The following EFCAB8 variants were observed in gnomAD, a reference collection of about 807,000 sequenced individuals.
EFCAB8 encodes EF-hand calcium-binding domain-containing protein 8.
In EFCAB8, 100 loss-of-function variants were observed where a neutral mutation model predicts 116.3. That is an observed-to-expected ratio of 0.86 (90% CI 0.73 to 1.02). The LOEUF (loss-of-function observed/expected upper bound fraction) is 1.02. Among genes scored for constraint, EFCAB8 ranks in the 50% least tolerant of loss-of-function variants. The pLI is 0.00. For missense variants in EFCAB8, 1,320 were observed against 1,416.9 expected (o/e 0.93, Z 1.10); for synonymous variants, 558 against 567.9 (o/e 0.98, Z 0.25).
intron 2 of EFCAB8, among the ~76,000 whole-genome samples, chr20:32,864,600 A>G (rs1186137293): frequency 6.6e-6 from 1 of 152,086 alleles, no homozygotes; most frequent in Non-Finnish European, 1.5e-5. Flanking sequence ...AAAACAAAAA[A>G]GCTACATGAG....
intron 23 of EFCAB8, among the ~76,000 whole-genome samples, chr20:32,949,557 G>A (rs1988735033): frequency 6.6e-6 from 1 of 152,336 alleles, no homozygotes; most frequent in East Asian, 1.9e-4. Context: ...CAGACAGACA[G>A]ATCAATGGAA....
chr20:32,911,802 C>A, intron 16 of EFCAB8, 95 bp downstream of exon 16: 1 of 1,240,510 alleles, frequency 8.1e-7, no homozygotes, highest in Non-Finnish European at 1.1e-6. Flanking sequence ...TTGTACCTCT[C>A]TGAAAGGGTG....
intron 11 of EFCAB8, among the ~76,000 whole-genome samples, chr20:32,900,209 A>G (rs1986362737): frequency 6.6e-6 from 1 of 152,110 alleles, no homozygotes; most frequent in Admixed American, 6.6e-5. Context: ...TTTCAGGGGA[A>G]ATTTCAATCC....
In EFCAB8 at chr20:32,907,119, G is replaced by A. The variant is rs115278853; in HGVS notation, c.1308+125G>A. On this transcript the variant is annotated intron_variant, in intron 13 of 26. Transcript: ENST00000400522. ...AAAGGCCTAGCAGGAGGGGCCCCGG[G>A]TGGGAGGAAGGTGAGGGTGGCCATG... The A allele has an allele frequency of 1.9e-3, 2,731 of 1,423,672 alleles. 41 individuals are homozygous for A. In the African/African-American group the frequency reaches 0.033, roughly 17 times the overall value. The allele number at this position is 1,423,672 out of a possible 1,614,324, so 88.2% of individuals were successfully genotyped here.
At chr20:32,893,425 T>G in intron 9 of EFCAB8, 127 bp downstream of exon 9, 3 of 1,382,554 alleles carry the variant, frequency 2.2e-6, no homozygotes, top group Non-Finnish European at 2.9e-6. Context: ...AGGCGTCTGC[T>G]TCCAAGCGCA....
chr20:32,882,593 T>C (rs1985398551), intron 5 of EFCAB8, among the ~76,000 whole-genome samples: 1 of 152,192 alleles, frequency 6.6e-6, no homozygotes, highest in Non-Finnish European at 1.5e-5. Flanking sequence ...TCATCTCAGG[T>C]CACTGCAACC....
chr20:32,895,411 A>G (rs918688796), intron 9 of EFCAB8, among the ~76,000 whole-genome samples: 6 of 143,252 alleles, frequency 4.2e-5, no homozygotes, highest in African/African-American at 1.6e-4. Flanking sequence ...TACAGCTTTA[A>G]TCTCTTGGGC....
rs536376995 is a variant in EFCAB8 at position 32,878,685 on chromosome 20, G to T, written c.328-19G>T. ...ATTTTGCCAATACCCTGCCTCCCTT[G>T]TGCTTTCTTTCGAGGCAGCAAAAGT... is the stretch of plus-strand genomic sequence containing the variant. On this transcript the variant is annotated intron_variant, in intron 4 of 26. Coordinates refer to ENST00000400522, the MANE Select transcript of EFCAB8 (RefSeq NM_001143967.2). The T allele has an allele frequency of 1.3e-6, 2 of 1,548,008 alleles. No individual in the cohort carries two copies. Among genetic ancestry groups the T allele is most frequent in the South Asian group, 1.2e-5 (1 of 83,968 alleles).
chr20:32,865,927 G>T (rs1362576337), intron 2 of EFCAB8, among the ~76,000 whole-genome samples: 2 of 152,086 alleles, frequency 1.3e-5, no homozygotes, highest in Non-Finnish European at 2.9e-5. Context: ...CTACAGTTTG[G>T]GGCGAGCAGG....
chr20:32,886,600 G>A (rs1364003998), intron 6 of EFCAB8, among the ~76,000 whole-genome samples: 2 of 152,112 alleles, frequency 1.3e-5, no homozygotes, highest in African/African-American at 2.4e-5. Context: ...GCACCAAGGG[G>A]GAGTCACGAT....
chr20:32,924,563 G>T (rs1600433060), intron 20 of EFCAB8, among the ~76,000 whole-genome samples: 1 of 152,174 alleles, frequency 6.6e-6, no homozygotes. Context: ...GAGGTGAAGT[G>T]ACTTGCCCAA....
chr20:32,893,109 G>C, intron 8 of EFCAB8, 65 bp from the exon 9 acceptor site: 1 of 1,542,034 alleles, frequency 6.5e-7, no homozygotes, highest in South Asian at 1.2e-5. Flanking sequence ...CCAGAGTGCT[G>C]GTCTTACAGG....
chr20:32,930,380 C>T lies in EFCAB8; in HGVS notation c.2413-18C>T, dbSNP rs1987848428. The T allele has an allele frequency of 6.5e-7, 1 of 1,545,200 alleles. No individual in the cohort carries two copies. The highest frequency in any genetic ancestry group is 8.7e-7 in the Non-Finnish European group (1 of 1,145,092). On this transcript the variant is annotated intron_variant, in intron 20 of 26. Coordinates refer to ENST00000400522, the MANE Select transcript of EFCAB8 (RefSeq NM_001143967.2). ...TGGCTCACAGCCCTGCTGAGCCGGGCCCTCCTCTCTTCCTCAGATAATCTT... is the reference window on the plus strand; with the variant it reads ...TGGCTCACAGCCCTGCTGAGCCGGGTCCTCCTCTCTTCCTCAGATAATCTT...
chr20:32,927,956 T>C (rs1987736510), intron 20 of EFCAB8, among the ~76,000 whole-genome samples: 1 of 152,198 alleles, frequency 6.6e-6, no homozygotes, highest in African/African-American at 2.4e-5. Flanking sequence ...CTTGTTAAAT[T>C]GAAACTATAC....
At position 32,875,955 on chromosome 20, in the gene EFCAB8, A is replaced by G. The variant is rs540420817; in HGVS notation, c.238A>G (p.Met80Val). 1.9e-6 allele frequency: 3 copies of G among 1,551,868 alleles called. No individual in the cohort carries two copies. Among genetic ancestry groups the G allele is most frequent in the Non-Finnish European group, 1.7e-6 (2 of 1,147,036 alleles). The change falls in exon 4 of 27, where the codon ATG becomes GTG. Residue 80 changes from methionine to valine, a missense_variant. Coordinates refer to ENST00000400522, the MANE Select transcript of EFCAB8 (RefSeq NM_001143967.2). ...GGGCATGGACGCCTTCATCAAGGCCATGAAGAAGGTTCTGAGCAGTGTGTC... is the reference window on the plus strand; with the variant it reads ...GGGCATGGACGCCTTCATCAAGGCCGTGAAGAAGGTTCTGAGCAGTGTGTC... The part of the protein sequence containing the change: ...ALGMDAFIKA[M>V]KKVLSSVSDE...
rs1373492509 is a variant in EFCAB8 at position 32,961,216 on chromosome 20, C to A, written c.3474C>A (p.Gly1158=). Residue 1158 remains glycine, a synonymous_variant, in exon 27 of 27, where the codon GGC becomes GGA. Transcript: ENST00000400522. ...TQQPDFLTSR[G]PDQQDQHIRL... ...AGCCTGACTTCCTGACCAGCAGGGG[C>A]CCAGACCAGCAAGACCAGCACATCC... 2.3e-5 allele frequency: 36 copies of A among 1,552,018 alleles called. No homozygotes were observed. The highest frequency in any genetic ancestry group is 3.0e-5 in the Non-Finnish European group (34 of 1,146,978).
At position 32,920,048 on chromosome 20, in the gene EFCAB8, G is replaced by C. The variant is rs527720976; in HGVS notation, c.2275-30G>C. ...CTATGGGGAAGGGAAACACCCTCAT[G>C]GTGACTTGGGTGCCCATCTTTCTTT... On this transcript the variant is annotated intron_variant, in intron 19 of 26. Coordinates refer to ENST00000400522, the MANE Select transcript of EFCAB8 (RefSeq NM_001143967.2). 3.5e-5 allele frequency: 55 copies of C among 1,551,632 alleles called. No individual in the cohort carries two copies. In the East Asian group the frequency reaches 1.3e-3, roughly 37 times the overall value.
At chr20:32,888,313 C>T (rs1316500157) in intron 6 of EFCAB8, among the ~76,000 whole-genome samples, 1 of 152,152 alleles carries the variant, frequency 6.6e-6, no homozygotes, top group Non-Finnish European at 1.5e-5. Context: ...GCAGCCTCTG[C>T]CTCCCGGGTT....
At chr20:32,948,578 AAG>A (rs565602603) in intron 23 of EFCAB8, among the ~76,000 whole-genome samples, 46 of 148,434 alleles carry the variant, frequency 3.1e-4, no homozygotes, top group Middle Eastern at 3.5e-3. Context: ...GAAAGAAAGA[AAG>A]AAAAGAAAGG....
Sources: gnomAD v4.1 joint callset for allele counts (sites outside exome capture counted in the v4.1 genomes callset) on GRCh38, gnomAD v4.1.1 for gene constraint, MANE v1.5 for transcripts, NCBI Gene and HGNC (gene_info 2026-07-23, HGNC 2026-07-21) for gene names.